The following MACF1 variants were observed in gnomAD, a reference collection of about 807,000 sequenced individuals.
MACF1 encodes microtubule-actin cross-linking factor 1.
Under a neutral mutation model 854.8 loss-of-function variants are expected in MACF1, and 193 were observed. The observed-to-expected ratio is 0.23, with a 90% confidence interval of 0.20 to 0.25. The LOEUF is 0.25. Ranked by LOEUF, MACF1 falls within the 10% of genes least tolerant of loss-of-function variation. The pLI, the probability that MACF1 is intolerant of heterozygous loss-of-function variation, is 1.00. For missense variants in MACF1, 7,722 were observed against 8,929.1 expected, an observed-to-expected ratio of 0.86 and a Z score of 5.45; for synonymous variants, 3,185 against 3,226.7, an observed-to-expected ratio of 0.99 and a Z score of 0.44.
In MACF1 at chr1:39,358,820, G is replaced by A. The variant is rs1176182520; in HGVS notation, c.12067G>A (p.Asp4023Asn). The A allele has an allele frequency of 6.2e-7, 1 of 1,613,432 alleles. No individual in the cohort carries two copies. The highest frequency in any genetic ancestry group is 1.3e-5 in the African/African-American group (1 of 74,872). Residue 4023 changes from aspartate to asparagine, a missense_variant, in exon 46 of 101, where the codon GAT (aspartate) becomes AAT (asparagine). By Grantham distance (23) the Asp-to-Asn change is conservative. Coordinates refer to ENST00000564288, the MANE Select transcript of MACF1 (RefSeq NM_001394062.1). The stretch of plus-strand genomic sequence containing the variant: ...GGCCAACGTGGAGAAGCTCCTCTCA[G>A]ATACTGTTGCCTCTGACCCTGGAGT... Reference protein sequence around the residue: ...CEANVEKLLSDTVASDPGVLQ... With the variant: ...CEANVEKLLSNTVASDPGVLQ...
chr1:39,216,326 A>G (rs917685280), intron 1 of MACF1, among the ~76,000 whole-genome samples: 4 of 152,124 alleles, frequency 2.6e-5, no homozygotes, highest in Non-Finnish European at 2.9e-5. Context: ...AAAAGTGACA[A>G]CTTCTGTTAG....
At chr1:39,304,565 CTT>C (rs372120678) in intron 23 of MACF1, 700 of 718,400 alleles carry the variant, frequency 9.7e-4, no homozygotes, top group East Asian at 1.2e-3. Context: ...TCTTTTCTTT[CTT>C]TTTTTTTTTT....
At chr1:39,322,007 G>C (rs1278196446) in intron 31 of MACF1, among the ~76,000 whole-genome samples, 1 of 152,238 alleles carries the variant, frequency 6.6e-6, no homozygotes, top group Non-Finnish European at 1.5e-5. Flanking sequence ...GAGAAGAAGA[G>C]AGTGGACTAG....
intron 40 of MACF1, among the ~76,000 whole-genome samples, chr1:39,343,727 C>T (rs1485978268): frequency 6.6e-6 from 1 of 152,164 alleles, no homozygotes; most frequent in East Asian, 1.9e-4. Context: ...TGCAGCAGCT[C>T]GGTTCTTGCC....
Position 39,283,490 on chromosome 1 carries a change from A to G in MACF1, c.890A>G (p.Glu297Gly). Residue 297 changes from glutamate to glycine, a missense_variant, in exon 9 of 101, where the codon GAG becomes GGG. Around this residue, in one of 15 missense-constraint regions of MACF1, gnomAD observed 97 missense variants for 130.4 expected, o/e 0.74. Coordinates refer to ENST00000564288, the MANE Select transcript of MACF1 (RefSeq NM_001394062.1). This position sits in a 1 kb window ranked among gnomAD's most constrained non-coding sequence, Gnocchi z 4.5. ...SIYDAFPKVP[E>G]GGEGISATEV... ...TATGATGCCTTCCCTAAAGTTCCTGAGGGTGGAGAAGGGATCAGTGCTACG... is the reference window on the plus strand; with the variant it reads ...TATGATGCCTTCCCTAAAGTTCCTGGGGGTGGAGAAGGGATCAGTGCTACG... The G allele has an allele frequency of 6.2e-7, 1 of 1,607,594 alleles. No homozygotes were observed. Among genetic ancestry groups the G allele is most frequent in the Non-Finnish European group, 8.5e-7 (1 of 1,174,078 alleles).
chr1:39,272,909 C>A (rs542154656), intron 6 of MACF1, among the ~76,000 whole-genome samples: 1 of 152,068 alleles, frequency 6.6e-6, no homozygotes, highest in Non-Finnish European at 1.5e-5. Context: ...TAATAGCAAT[C>A]GCTCTTTGAT....
At chr1:39,293,716 A>T in intron 18 of MACF1, 97 bp downstream of exon 18, 1 of 1,212,774 alleles carries the variant, frequency 8.2e-7, no homozygotes, top group Non-Finnish European at 1.2e-6. Flanking sequence ...CTGGAGTTGC[A>T]CTCTGCTAGA....
chr1:39,403,287 C>T (rs888448162), intron 58 of MACF1, among the ~76,000 whole-genome samples: 1 of 151,870 alleles, frequency 6.6e-6, no homozygotes, highest in Admixed American at 6.6e-5. Flanking sequence ...TTAGTAGAGA[C>T]GGGGTTTCGC....
intron 43 of MACF1, among the ~76,000 whole-genome samples, chr1:39,351,682 G>A (rs1278250864): frequency 2.0e-5 from 3 of 150,238 alleles, no homozygotes; most frequent in Admixed American, 6.7e-5. Context: ...CACTTCCTGG[G>A]TTTGAGTGAT....
intron 36 of MACF1, among the ~76,000 whole-genome samples, chr1:39,329,407 T>C (rs746211924): frequency 9.2e-5 from 14 of 152,358 alleles, no homozygotes; most frequent in Admixed American, 2.0e-4. Flanking sequence ...GGTTTCCTTA[T>C]TATTTATCCA....
intron 6 of MACF1, among the ~76,000 whole-genome samples, chr1:39,259,012 G>A (rs1479170608): frequency 1.3e-5 from 2 of 152,202 alleles, no homozygotes; most frequent in Non-Finnish European, 2.9e-5. Flanking sequence ...GTATCCTCAG[G>A]CAAGCTTTGG....
intron 61 of MACF1, 107 bp downstream of exon 61, chr1:39,424,301 G>A: frequency 1.1e-6 from 1 of 882,646 alleles, no homozygotes; most frequent in Non-Finnish European, 1.7e-6. Flanking sequence ...TTTGGAAGGT[G>A]TTTAATGGCT....
intron 72 of MACF1, among the ~76,000 whole-genome samples, chr1:39,439,958 A>T (rs770423298): frequency 6.6e-6 from 1 of 152,100 alleles, no homozygotes; most frequent in Non-Finnish European, 1.5e-5. Context: ...CCTGCTCATT[A>T]TATTACATTT....
In MACF1 at chr1:39,332,079, G is replaced by A; in HGVS notation, c.5491G>A (p.Asp1831Asn). Residue 1831 changes from aspartate to asparagine, a missense_variant, in exon 37 of 101, where the codon GAT becomes AAT. This residue lies in a region of MACF1 where 1,531 missense variants were observed against 1,601.6 expected (regional missense o/e 0.96). Transcript: ENST00000564288. The part of the protein sequence containing the change: ...RLTIDEAVSN[D>N]LVAAKIALVI... ...AACAATAGATGAAGCAGTGAGCAAT[G>A]ATCTAGTAGCTGCTAAGATCGCCCT... 1 of 1,614,128 alleles carries A rather than the reference G, an allele frequency of 6.2e-7. No individual in the cohort carries two copies. The highest frequency in any genetic ancestry group is 1.1e-5 in the South Asian group (1 of 91,060).
chr1:39,469,486 G>A, intron 96 of MACF1, 61 bp from the exon 97 acceptor site: 1 of 1,280,384 alleles, frequency 7.8e-7, no homozygotes, highest in South Asian at 1.3e-5. Flanking sequence ...TGTCTTTCTT[G>A]ACTAGTTTCT....
At chr1:39,428,823 G>A (rs560991979) in intron 63 of MACF1, among the ~76,000 whole-genome samples, 2 of 152,120 alleles carry the variant, frequency 1.3e-5, no homozygotes, top group Admixed American at 6.5e-5. Context: ...CTTTTGCTTC[G>A]TCAACTTTAA....
At chr1:39,296,811 AAAGGAAGGAAGGAAGG>A (rs751164815) in intron 20 of MACF1, among the ~76,000 whole-genome samples, 9 of 106,390 alleles carry the variant, frequency 8.5e-5, no homozygotes, top group South Asian at 2.7e-4. Context: ...GAAAAGAAAG[AAAGGAAGGAAGGAAGG>A]AAGGAAGGAA....
chr1:39,459,261 C>CTG lies in MACF1; in HGVS notation c.21360+13_21360+14dup. ...ATCGGCTGGAGGAGGTAATGCCCTG[C>CTG]TGAGTGGCCTTCCCTGAAACAAAGT... is the stretch of plus-strand genomic sequence containing the variant. On this transcript the variant is annotated intron_variant, in intron 91 of 100. Transcript: ENST00000564288. 2 of 1,601,562 alleles carry CTG rather than the reference C, an allele frequency of 1.2e-6. No individual in the cohort carries two copies. Among genetic ancestry groups the CTG allele is most frequent in the Non-Finnish European group, 1.7e-6 (2 of 1,173,238 alleles).
chr1:39,315,914 G>GT (rs2148444771), intron 27 of MACF1, among the ~76,000 whole-genome samples: 1 of 152,284 alleles, frequency 6.6e-6, no homozygotes. Context: ...AATTTGCAGT[G>GT]TTGGGACTAT....
Sources: allele counts gnomAD v4.1 joint callset (sites outside exome capture counted in the v4.1 genomes callset), GRCh38; gene constraint gnomAD v4.1.1; regional missense constraint gnomAD v4.1.1; non-coding constraint Gnocchi (gnomAD v3.1); transcripts MANE v1.5; gene names NCBI Gene and HGNC (gene_info 2026-07-23, HGNC 2026-07-21).